Variants in BCAR3 observed in about 807,000 individuals in gnomAD.
BCAR3 encodes the protein breast cancer anti-estrogen resistance protein 3.
Under a neutral mutation model 80.1 loss-of-function variants are expected in BCAR3, and 37 were observed. That is an observed-to-expected ratio of 0.46 (90% CI 0.36 to 0.61). BCAR3 has a LOEUF of 0.61. BCAR3 is among the 20% of genes least tolerant of loss of function. The probability of loss-of-function intolerance (pLI) is 0.00; values close to 1 mark genes in which losing one functional copy is unlikely to be tolerated. For synonymous variants in BCAR3, 389 were observed against 418.9 expected, an observed-to-expected ratio of 0.93 and a Z score of 0.87; for missense variants, 978 against 1,068.2, an observed-to-expected ratio of 0.92 and a Z score of 1.18.
Position 93,592,194 on chromosome 1 carries a change from C to A in BCAR3, c.486+71G>T. On this transcript the variant is annotated intron_variant, in intron 4 of 11. Coordinates refer to ENST00000260502, the MANE Select transcript of BCAR3 (RefSeq NM_003567.4). The surrounding 1 kb of genome is among the most constrained non-coding windows in gnomAD (Gnocchi z 4.8). Reference sequence around the variant, plus strand: ...CGCCCATGTGGCCTCGGAGTGGGACCCTGCGGGTCATCAATCTGTACATTG... The same window carrying A: ...CGCCCATGTGGCCTCGGAGTGGGACACTGCGGGTCATCAATCTGTACATTG... The A allele has an allele frequency of 3.1e-6, 5 of 1,596,732 alleles. No homozygotes were observed. The highest frequency in any genetic ancestry group is 4.3e-6 in the Non-Finnish European group (5 of 1,174,070).
chr1:93,658,643 C>A (rs1023007823), intron 2 of BCAR3, among the ~76,000 whole-genome samples: 5 of 152,108 alleles, frequency 3.3e-5, no homozygotes, highest in Non-Finnish European at 1.5e-5. Context: ...CAGAGTGAGA[C>A]CCTGTCTCAA....
chr1:93,620,261 G>A (rs1675268433), intron 3 of BCAR3, among the ~76,000 whole-genome samples: 6 of 152,182 alleles, frequency 3.9e-5, no homozygotes, highest in Admixed American at 2.6e-4. Flanking sequence ...AAAGCTTTTA[G>A]CCTTAAAATA....
At chr1:93,777,414 T>TCCTCCTTC (rs1557685179) in intron 2 of BCAR3, among the ~76,000 whole-genome samples, 1 of 113,164 alleles carries the variant, frequency 8.8e-6, no homozygotes, top group Non-Finnish European at 1.8e-5. Context: ...CCTCCTCCTC[T>TCCTCCTTC]TCCTCCTCCT....
intron 2 of BCAR3, among the ~76,000 whole-genome samples, chr1:93,716,973 T>C (rs1557664370): frequency 3.3e-5 from 5 of 152,242 alleles, no homozygotes; most frequent in African/African-American, 2.4e-5. Flanking sequence ...TTTGCAGTTC[T>C]ATCAACAGGT....
chr1:93,783,689 G>GT (rs1241405775), intron 2 of BCAR3, among the ~76,000 whole-genome samples: 1 of 152,164 alleles, frequency 6.6e-6, no homozygotes, highest in African/African-American at 2.4e-5. Flanking sequence ...TCTATAAAGC[G>GT]TAAAACATGC....
At chr1:93,740,931 C>G (rs943181473) in intron 2 of BCAR3, among the ~76,000 whole-genome samples, 14 of 152,192 alleles carry the variant, frequency 9.2e-5, no homozygotes, top group Non-Finnish European at 2.1e-4. Flanking sequence ...CCCTTAGATG[C>G]AAGCGCGTCT....
In BCAR3 at chr1:93,584,061, G is replaced by A. The variant is rs1237935337; in HGVS notation, c.990C>T (p.Ala330=). The change falls in exon 6 of 12, where the codon GCC becomes GCT. Residue 330 remains alanine, a synonymous_variant. Transcript: ENST00000260502. ...CTGACTGGTGGGCTTTGAGGGACAA[G>A]GCTCTTCTGTCCTGCATGTGATCCA... ...ACLDHMQDRR[A]LSLKAHQSES... is the part of the protein sequence containing the mutation. 1 of 1,614,136 alleles carries A rather than the reference G, an allele frequency of 6.2e-7. No individual in the cohort carries two copies.
intron 2 of BCAR3, among the ~76,000 whole-genome samples, chr1:93,844,997 AG>A (rs1157056251): frequency 6.6e-6 from 1 of 152,198 alleles, no homozygotes; most frequent in East Asian, 1.9e-4. Context: ...TCCATGATAC[AG>A]GAATTTTTTT....
Position 93,747,298 on chromosome 1 carries a change from G to A in BCAR3, c.-62-41156C>T, listed in dbSNP as rs530215120. The stretch of plus-strand genomic sequence containing the variant: ...CACTGGTAGGCTCTGTTCAGGTGAG[G>A]ACTGATGCTGCTATGTCCAGGTTCT... On this transcript the variant is annotated intron_variant, in intron 2 of 13. Transcript: ENST00000370244. 4.6e-5 allele frequency among the ~76,000 whole-genome samples: 7 copies of A among 152,126 alleles called. No homozygotes were observed. The South Asian group carries it at 1.4e-3, about 31-fold the overall frequency.
intron 8 of BCAR3, among the ~76,000 whole-genome samples, chr1:93,573,612 A>T (rs150700602): frequency 3.1e-4 from 41 of 134,382 alleles, no homozygotes; most frequent in East Asian, 1.6e-3. Context: ...ATATATTTTT[A>T]TTATTATTAT....
chr1:93,730,160 C>T (rs574262943), intron 2 of BCAR3, among the ~76,000 whole-genome samples: 4 of 152,232 alleles, frequency 2.6e-5, no homozygotes, highest in Non-Finnish European at 5.9e-5. Context: ...GTTTTTAACA[C>T]ATATTATTCT....
intron 2 of BCAR3, among the ~76,000 whole-genome samples, chr1:93,790,629 T>TTA (rs1264627349): frequency 7.5e-6 from 1 of 133,288 alleles, no homozygotes; most frequent in African/African-American, 3.1e-5. Flanking sequence ...TTTTTTTTTG[T>TTA]ATTCATTTTT....
chr1:93,762,582 G>A (rs889498230), intron 2 of BCAR3, among the ~76,000 whole-genome samples: 3 of 152,162 alleles, frequency 2.0e-5, no homozygotes, highest in African/African-American at 2.4e-5. Context: ...GGGACCTGAC[G>A]TGCTACGGAC....
intron 3 of BCAR3, among the ~76,000 whole-genome samples, chr1:93,639,796 C>G (rs1308097550): frequency 1.3e-5 from 2 of 151,970 alleles, no homozygotes; most frequent in East Asian, 3.9e-4. Flanking sequence ...CATTTAAAGA[C>G]ACAGGGAGGG....
At chr1:93,659,315 G>C (rs957787821) in intron 2 of BCAR3, among the ~76,000 whole-genome samples, 15 of 152,132 alleles carry the variant, frequency 9.9e-5, no homozygotes, top group African/African-American at 9.7e-5. Context: ...CTCCTGAGTA[G>C]CTGAGACTAC....
rs76396314 is a variant in BCAR3 at position 93,653,965 on chromosome 1, C to T, written c.318-11622G>A. Among the ~76,000 whole-genome samples, 203 of 152,252 alleles carry T rather than the reference C, an allele frequency of 1.3e-3. 4 individuals are homozygous for T. The East Asian group carries it at 0.033, about 25-fold the overall frequency. On this transcript the variant is annotated intron_variant, in intron 2 of 11. Transcript: ENST00000260502. ...GACACCTGCAATACCTTCTGCATCTCGCCAGCTCCACAATTTGCTCTCTAC... is the reference window on the plus strand; with the variant it reads ...GACACCTGCAATACCTTCTGCATCTTGCCAGCTCCACAATTTGCTCTCTAC...
intron 2 of BCAR3, among the ~76,000 whole-genome samples, chr1:93,805,875 G>T (rs1653637812): frequency 6.6e-6 from 1 of 152,052 alleles, no homozygotes; most frequent in African/African-American, 2.4e-5. Context: ...AGAAAAATAT[G>T]TCACAGTGGC....
chr1:93,719,209 C>T (rs1361956895), intron 2 of BCAR3, among the ~76,000 whole-genome samples: 2 of 152,120 alleles, frequency 1.3e-5, no homozygotes, highest in African/African-American at 4.8e-5. Context: ...GAAGGTCCAG[C>T]TGGGACCCTG....
At chr1:93,620,595 G>A (rs1675276631) in intron 3 of BCAR3, among the ~76,000 whole-genome samples, 1 of 152,050 alleles carries the variant, frequency 6.6e-6, no homozygotes, top group African/African-American at 2.4e-5. Flanking sequence ...TTGCAGAATT[G>A]GACTTCAGCC....
Sources: gnomAD v4.1 joint callset for allele counts (sites outside exome capture counted in the v4.1 genomes callset) on GRCh38, gnomAD v4.1.1 for gene constraint, Gnocchi (gnomAD v3.1) non-coding constraint, MANE v1.5 for transcripts, NCBI Gene and HGNC (gene_info 2026-07-23, HGNC 2026-07-21) for gene names.